AGBL4: variants seen among roughly 807,000 people sequenced by gnomAD.
The protein encoded by AGBL4 is cytosolic carboxypeptidase 6.
Under a neutral mutation model 66.4 loss-of-function variants are expected in AGBL4, and 58 were observed. That is an observed-to-expected ratio of 0.87 (90% CI 0.71 to 1.09). AGBL4 has a LOEUF of 1.09. Among genes scored for constraint, AGBL4 ranks in the 50% least tolerant of loss-of-function variants. The pLI is 0.00. For synonymous variants in AGBL4, 234 were observed against 222.9 expected (o/e 1.05, Z -0.44); for missense variants, 579 against 631.0 (o/e 0.92, Z 0.88).
intron 4 of AGBL4, among the ~76,000 whole-genome samples, chr1:49,226,897 A>G (rs1443130135): frequency 6.6e-6 from 1 of 152,216 alleles, no homozygotes; most frequent in Non-Finnish European, 1.5e-5. Flanking sequence ...GAAGCCAGGA[A>G]GTCCAAGGTC....
intron 2 of AGBL4, among the ~76,000 whole-genome samples, chr1:49,741,101 T>C (rs576258397): frequency 6.6e-6 from 1 of 152,106 alleles, no homozygotes; most frequent in South Asian, 2.1e-4. Context: ...AAAAAATCAA[T>C]GAACCCAGGA....
intron 2 of AGBL4, among the ~76,000 whole-genome samples, chr1:49,757,688 G>T (rs914113550): frequency 6.6e-6 from 1 of 152,176 alleles, no homozygotes. Context: ...GGAGCATTTT[G>T]CCCTTGTCCT....
At chr1:49,654,611 A>C (rs972547954) in intron 3 of AGBL4, among the ~76,000 whole-genome samples, 3 of 152,198 alleles carry the variant, frequency 2.0e-5, no homozygotes, top group African/African-American at 7.2e-5. Flanking sequence ...GTGCTCCTGC[A>C]TTGGCAGCAT....
intron 3 of AGBL4, among the ~76,000 whole-genome samples, chr1:49,350,405 G>A (rs917882059): frequency 4.0e-5 from 6 of 151,642 alleles, no homozygotes; most frequent in African/African-American, 9.7e-5. Flanking sequence ...GGGTTTCACC[G>A]TTTTAGCCGG....
At chr1:49,275,968 A>C (rs1644159881) in intron 3 of AGBL4, among the ~76,000 whole-genome samples, 1 of 152,172 alleles carries the variant, frequency 6.6e-6, no homozygotes. Context: ...TATAACCCAG[A>C]AAAATCTGTT....
At chr1:48,686,734 A>T (rs1646538624) in intron 6 of AGBL4, among the ~76,000 whole-genome samples, 1 of 152,192 alleles carries the variant, frequency 6.6e-6, no homozygotes, top group African/African-American at 2.4e-5. Flanking sequence ...GAGATCTGCC[A>T]TGGATCAGTT....
chr1:48,636,758 G>GCCAGCA (rs1557844286), intron 8 of AGBL4, among the ~76,000 whole-genome samples: 1 of 152,218 alleles, frequency 6.6e-6, no homozygotes, highest in East Asian at 1.9e-4. Context: ...CCTGCTCAGG[G>GCCAGCA]TAATTCGGCC....
intron 5 of AGBL4, among the ~76,000 whole-genome samples, chr1:49,011,325 A>T (rs1250193154): frequency 1.3e-5 from 2 of 151,838 alleles, no homozygotes; most frequent in African/African-American, 4.8e-5. Context: ...TCAAAACCAC[A>T]ATGAGATACC....
intron 3 of AGBL4, among the ~76,000 whole-genome samples, chr1:49,662,074 T>C (rs1379587279): frequency 1.3e-5 from 2 of 151,686 alleles, no homozygotes; most frequent in African/African-American, 4.8e-5. Flanking sequence ...GAAATAATAA[T>C]ATATTATTTC....
At chr1:49,082,581 A>G (rs1166380677) in intron 4 of AGBL4, among the ~76,000 whole-genome samples, 2 of 152,212 alleles carry the variant, frequency 1.3e-5, no homozygotes, top group Admixed American at 1.3e-4. Flanking sequence ...AACTGCTACC[A>G]TGATTCAATT....
At chr1:49,306,987 C>T (rs1266513927) in intron 3 of AGBL4, among the ~76,000 whole-genome samples, 1 of 152,130 alleles carries the variant, frequency 6.6e-6, no homozygotes, top group Non-Finnish European at 1.5e-5. Context: ...CTCTGCTGTT[C>T]TGTACACTAT....
intron 3 of AGBL4, 96 bp downstream of exon 3, chr1:49,697,217 T>G: frequency 7.5e-7 from 1 of 1,332,118 alleles, no homozygotes; most frequent in Admixed American, 2.2e-5. Context: ...CAAGAATATA[T>G]TCTTAATATA....
chr1:49,548,128 A>C (rs1198984189), intron 3 of AGBL4, among the ~76,000 whole-genome samples: 2 of 152,076 alleles, frequency 1.3e-5, no homozygotes, highest in Non-Finnish European at 2.9e-5. Context: ...GTAAAGAGAG[A>C]TACTGATTTG....
At chr1:49,186,164 T>C (rs181732570) in intron 4 of AGBL4, among the ~76,000 whole-genome samples, 2 of 152,138 alleles carry the variant, frequency 1.3e-5, no homozygotes. Flanking sequence ...GAGCAAATGC[T>C]CCCCAACACC....
intron 1 of AGBL4, among the ~76,000 whole-genome samples, chr1:49,935,763 T>G (rs539506147): frequency 2.0e-5 from 3 of 152,156 alleles, no homozygotes; most frequent in African/African-American, 7.2e-5. Flanking sequence ...CCAACAGACC[T>G]GCAGCTGAGG....
At chr1:49,691,937 G>A (rs1407799385) in intron 3 of AGBL4, among the ~76,000 whole-genome samples, 1 of 152,084 alleles carries the variant, frequency 6.6e-6, no homozygotes, top group Non-Finnish European at 1.5e-5. Flanking sequence ...CCTGCAGATG[G>A]CCTATTGTGG....
chr1:49,846,237 C>A (rs1317873077), intron 2 of AGBL4: 5 of 1,464,272 alleles, frequency 3.4e-6, no homozygotes, highest in Non-Finnish European at 4.8e-6. Context: ...GGGGAAAAGC[C>A]TTATGAGTGT....
At chr1:49,137,514 T>C (rs1160487266) in intron 4 of AGBL4, among the ~76,000 whole-genome samples, 1 of 152,130 alleles carries the variant, frequency 6.6e-6, no homozygotes, top group Non-Finnish European at 1.5e-5. Flanking sequence ...TTGCATAAGA[T>C]GAATGATACT....
At chr1:48,673,706 A>G (rs1646313768) in intron 6 of AGBL4, among the ~76,000 whole-genome samples, 1 of 152,226 alleles carries the variant, frequency 6.6e-6, no homozygotes, top group Non-Finnish European at 1.5e-5. Context: ...CTTGCCCACG[A>G]GTTTGTTAAA....
Sources: allele counts gnomAD v4.1 joint callset (sites outside exome capture counted in the v4.1 genomes callset), GRCh38; gene constraint gnomAD v4.1.1; transcripts MANE v1.5; gene names NCBI Gene and HGNC (gene_info 2026-07-23, HGNC 2026-07-21).